TRPM4: variants seen among roughly 807,000 people sequenced by gnomAD.
The protein encoded by TRPM4 is transient receptor potential cation channel subfamily M member 4.
In TRPM4, 124 loss-of-function variants were observed where a neutral mutation model predicts 135.6. The ratio of observed to expected loss-of-function variants is 0.91; its 90% CI spans 0.79 to 1.06. The LOEUF (loss-of-function observed/expected upper bound fraction) is 1.06, where lower values mean the gene tolerates loss of function less well. Among genes scored for constraint, TRPM4 ranks in the 50% least tolerant of loss-of-function variants. The probability of loss-of-function intolerance (pLI) is 0.00; values close to 1 mark genes in which losing one functional copy is unlikely to be tolerated. For synonymous variants in TRPM4, 745 were observed against 705.6 expected (o/e 1.06, Z -0.88); for missense variants, 1,658 against 1,671.4 (o/e 0.99, Z 0.14).
At chr19:49,175,928 C>CTT (rs34213157) in intron 9 of TRPM4, among the ~76,000 whole-genome samples, 1 of 109,208 alleles carries the variant, frequency 9.2e-6, no homozygotes, top group Non-Finnish European at 1.8e-5. Flanking sequence ...CGCCCGGCCT[C>CTT]TTTTTTTTTT....
At chr19:49,202,621 A>G (rs1968977311) in intron 20 of TRPM4, among the ~76,000 whole-genome samples, 1 of 152,030 alleles carries the variant, frequency 6.6e-6, no homozygotes, top group Non-Finnish European at 1.5e-5. Flanking sequence ...AAGTGCTGGG[A>G]TAATCTGTCA....
Position 49,168,341 on chromosome 19 carries a change from G to A in TRPM4, c.530G>A (p.Ser177Asn), listed in dbSNP as rs1419015833. Reference protein sequence around the residue: ...GVAVRDHQMASTGGTKVVAMG... With the variant: ...GVAVRDHQMANTGGTKVVAMG... ...GCTGTACGGGACCATCAGATGGCCAGCACTGGGGGCACCAAGGTGGTGGCC... is the reference window on the plus strand; with the variant it reads ...GCTGTACGGGACCATCAGATGGCCAACACTGGGGGCACCAAGGTGGTGGCC... Residue 177 changes from serine (S) to asparagine (N), a missense_variant, in exon 5 of 25, where the codon AGC becomes AAC. Around this residue, in one of 3 missense-constraint regions of TRPM4, gnomAD observed 7 missense variants for 22.6 expected, o/e 0.31. Coordinates refer to ENST00000252826, the MANE Select transcript of TRPM4 (RefSeq NM_017636.4). The A allele has an allele frequency of 6.2e-7, 1 of 1,614,156 alleles. No homozygotes were observed. The highest frequency in any genetic ancestry group is 8.5e-7 in the Non-Finnish European group (1 of 1,180,040).
rs1301694074 is a variant in TRPM4, at chr19:49,166,166, A to T, written c.218A>T (p.Asp73Val). The T allele has an allele frequency of 6.2e-7, 1 of 1,609,268 alleles. No individual in the cohort carries two copies. ...SDAHTTEKPTDAYGELDFTGA... is the reference protein window; with the variant it reads ...SDAHTTEKPTVAYGELDFTGA... ...GCACACACCACGGAGAAGCCCACCG[A>T]TGCCTACGGAGAGCTGGACTTCACG... Residue 73 changes from aspartate (D) to valine (V), a missense_variant, in exon 3 of 25, where the codon GAT becomes GTT. By Grantham distance (152) the Asp-to-Val change is radical. Coordinates refer to ENST00000252826, the MANE Select transcript of TRPM4 (RefSeq NM_017636.4).
Position 49,211,494 on chromosome 19 carries a change from A to G in TRPM4, c.3641A>G (p.Asp1214Gly). The change falls in exon 25 of 25, where the codon GAC (aspartate) becomes GGC (glycine). Residue 1214 changes from aspartate to glycine, a missense_variant and splice_region_variant. Transcript: ENST00000252826. This position sits in a 1 kb window ranked among gnomAD's most constrained non-coding sequence, Gnocchi z 4.8. Reference sequence around the variant, plus strand: ...CTCTCTCTTTTCTCTCTTCCCCCAGACTGAGCCCTGCTGGCGGACTTCAAG... The same window carrying G: ...CTCTCTCTTTTCTCTCTTCCCCCAGGCTGAGCCCTGCTGGCGGACTTCAAG... The part of the protein sequence containing the change: ...PPPPDLPGSK[D>G] 1.2e-6 allele frequency: 2 copies of G among 1,613,772 alleles called. No homozygotes were observed. The highest frequency in any genetic ancestry group is 1.7e-6 in the Non-Finnish European group (2 of 1,179,980).
chr19:49,206,597 G>A lies in TRPM4; in HGVS notation c.3132-3612G>A, dbSNP rs1369007118. ...TGGGCTTATAGGCATGTGCCACCAC[G>A]CCCGGCTAATTTTGTATTTTTAGTA... is the stretch of plus-strand genomic sequence containing the variant. On this transcript the variant is annotated intron_variant, in intron 20 of 24. Transcript: ENST00000252826. 2.0e-5 allele frequency among the ~76,000 whole-genome samples: 3 copies of A among 151,754 alleles called. No individual in the cohort carries two copies. In the East Asian group the frequency reaches 5.8e-4, roughly 30 times the overall value.
At chr19:49,207,603 T>C (rs1239301521) in intron 20 of TRPM4, among the ~76,000 whole-genome samples, 3 of 135,052 alleles carry the variant, frequency 2.2e-5, no homozygotes, top group Non-Finnish European at 4.6e-5. Flanking sequence ...ACCACCATCA[T>C]GATTGTGCCA....
At chr19:49,170,250 G>A (rs553437994) in intron 6 of TRPM4, among the ~76,000 whole-genome samples, 6 of 152,168 alleles carry the variant, frequency 3.9e-5, no homozygotes, top group South Asian at 2.1e-4. Context: ...GTGCAGTGGC[G>A]TGATCTCAGC....
In TRPM4 at chr19:49,197,021, G is replaced by A. The variant is rs1259382233; in HGVS notation, c.2645+147G>A. On this transcript the variant is annotated intron_variant, in intron 17 of 24. Transcript: ENST00000252826. ...ATTGAGAACCCCTCTTAGGAAAGTC[G>A]GGCATGACGATTGCCCCAGGGTAAT... 1.0e-5 allele frequency: 8 copies of A among 796,210 alleles called. No individual in the cohort carries two copies. In the Admixed American group the frequency reaches 1.4e-4, roughly 14 times the overall value. 49.3% of individuals were successfully genotyped at this position (796,210 alleles called of 1,614,324 possible). A position where few individuals can be genotyped will look rare whatever the true frequency, so the allele number is the denominator to read the frequency against.
rs2123043295 is a variant in TRPM4 at position 49,196,673 on chromosome 19, T to A, written c.2444T>A (p.Leu815Gln). 1 of 1,548,500 alleles carries A rather than the reference T, an allele frequency of 6.5e-7. No homozygotes were observed. Among genetic ancestry groups the A allele is most frequent in the Non-Finnish European group, 8.7e-7 (1 of 1,151,598 alleles). ...CCGGCGCCGCCCGGCTCCCTGGAGC[T>A]GCTGCTCTATTTCTGGGCTTTCACG... The part of the protein sequence containing the change: ...FQPAPPGSLE[L>Q]LLYFWAFTLL... Residue 815 changes from leucine to glutamine, a missense_variant, in exon 17 of 25, where the codon CTG (leucine) becomes CAG (glutamine). Leu to Gln is a moderately radical substitution (Grantham distance 113). Coordinates refer to ENST00000252826, the MANE Select transcript of TRPM4 (RefSeq NM_017636.4).
At chr19:49,208,057 G>A (rs373347531) in intron 20 of TRPM4, among the ~76,000 whole-genome samples, 1 of 152,122 alleles carries the variant, frequency 6.6e-6, no homozygotes, top group Non-Finnish European at 1.5e-5. Flanking sequence ...TAGCCAAGGC[G>A]GAGAGAGAGA....
At chr19:49,180,636 C>T (rs1967881485) in intron 9 of TRPM4, among the ~76,000 whole-genome samples, 1 of 151,956 alleles carries the variant, frequency 6.6e-6, no homozygotes, top group Non-Finnish European at 1.5e-5. Context: ...TGACCATATC[C>T]TCCTCTGGGC....
At position 49,196,521 on chromosome 19, in the gene TRPM4, G is replaced by T. The variant is rs866622587; in HGVS notation, c.2292G>T (p.Gly764=). 1.3e-6 allele frequency: 2 copies of T among 1,553,486 alleles called. No homozygotes were observed. Among genetic ancestry groups the T allele is most frequent in the South Asian group, 2.4e-5 (2 of 84,858 alleles). Residue 764 remains glycine (G), a synonymous_variant, in exon 17 of 25, where the codon GGG becomes GGT. Coordinates refer to ENST00000252826, the MANE Select transcript of TRPM4 (RefSeq NM_017636.4). ...CGGGTTGCTGCGGGGGCCGCTGCGG[G>T]GGGCGCCGGTGCCTACGCCGCTGGT... The part of the protein sequence containing the change: ...GRPGCCGGRC[G]GRRCLRRWFH...
chr19:49,185,894 G>A (rs2122964482), intron 12 of TRPM4, among the ~76,000 whole-genome samples: 1 of 152,152 alleles, frequency 6.6e-6, no homozygotes, highest in African/African-American at 2.4e-5. Context: ...GGGATTACAG[G>A]TGTGTGCCAC....
At chr19:49,200,160 G>A (rs371013937) in intron 17 of TRPM4, 140 bp from the exon 18 acceptor site, 12 of 1,319,036 alleles carry the variant, frequency 9.1e-6, no homozygotes, top group African/African-American at 4.3e-5. Flanking sequence ...ATAAATTTGA[G>A]TAAACCCCGG....
chr19:49,175,038 G>A (rs1967623733), intron 9 of TRPM4, among the ~76,000 whole-genome samples: 1 of 148,884 alleles, frequency 6.7e-6, no homozygotes, highest in Non-Finnish European at 1.5e-5. Context: ...CAAGTAGCTG[G>A]GACCACAGGC....
At position 49,211,074 on chromosome 19, in the gene TRPM4, T is replaced by G. The variant is rs1306855108; in HGVS notation, c.3521T>G (p.Val1174Gly). 1 of 1,613,882 alleles carries G rather than the reference T, an allele frequency of 6.2e-7. No individual in the cohort carries two copies. The highest frequency in any genetic ancestry group is 2.2e-5 in the East Asian group (1 of 44,874). The part of the protein sequence containing the change: ...HIREYEQRLK[V>G]LEREVQQCSR... ...CGCGAGTACGAACAGCGCCTGAAAG[T>G]GCTGGAGCGGGAGGTGAGGCCTTGG... The change falls in exon 23 of 25, where the codon GTG becomes GGG. Residue 1174 changes from valine (V) to glycine (G), a missense_variant. Val to Gly is a moderately radical substitution (Grantham distance 109, BLOSUM62 -3). Around this residue, in one of 3 missense-constraint regions of TRPM4, gnomAD observed 1,412 missense variants for 1,408.7 expected, o/e 1.00. Transcript: ENST00000252826. The surrounding 1 kb of genome is among the most constrained non-coding windows in gnomAD (Gnocchi z 4.8).
At chr19:49,178,722 G>A (rs568971837) in intron 9 of TRPM4, among the ~76,000 whole-genome samples, 6 of 144,152 alleles carry the variant, frequency 4.2e-5, no homozygotes, top group African/African-American at 1.2e-4. Flanking sequence ...AGATTAAGGC[G>A]GAATATAAAG....
At chr19:49,193,370 C>T (rs775050891) in intron 16 of TRPM4, among the ~76,000 whole-genome samples, 24 of 152,234 alleles carry the variant, frequency 1.6e-4, no homozygotes, top group African/African-American at 4.8e-4. Flanking sequence ...CATGAGCCAC[C>T]GCACCCGTCC....
At chr19:49,168,802 C>G in intron 6 of TRPM4, 66 bp downstream of exon 6, 3 of 1,504,540 alleles carry the variant, frequency 2.0e-6, no homozygotes, top group Non-Finnish European at 9.0e-7. Flanking sequence ...GCTCAGGATC[C>G]CAGTAGTTTG....
Sources: gnomAD v4.1 joint callset for allele counts (sites outside exome capture counted in the v4.1 genomes callset) on GRCh38, gnomAD v4.1.1 for gene constraint, gnomAD v4.1.1 regional missense constraint, Gnocchi (gnomAD v3.1) non-coding constraint, MANE v1.5 for transcripts, NCBI Gene and HGNC (gene_info 2026-07-23, HGNC 2026-07-21) for gene names.